Variants in MGST2 observed in about 807,000 individuals in gnomAD.
The protein encoded by MGST2 is microsomal glutathione S-transferase 2.
MGST2 carries 9 observed loss-of-function variants against 16.6 expected under a neutral mutation model. That is an observed-to-expected ratio of 0.54 (90% CI 0.33 to 0.95). The LOEUF is 0.95. Among genes scored for constraint, MGST2 ranks in the 40% least tolerant of loss-of-function variants. The pLI is 0.03. For synonymous variants in MGST2, 79 were observed against 68.0 expected (o/e 1.16, Z -0.79); for missense variants, 159 against 175.1 (o/e 0.91, Z 0.52).
At chr4:139,666,158 G>A (rs1213766968) in intron 1 of MGST2, 81 bp downstream of exon 1, 16 of 1,423,638 alleles carry the variant, frequency 1.1e-5, no homozygotes, top group Non-Finnish European at 1.5e-5. Flanking sequence ...GAGAGAGAGG[G>A]AGGGAGGGAG....
chr4:139,730,739 T>C, intron 5 of MGST2: 1 of 1,407,850 alleles, frequency 7.1e-7, no homozygotes, highest in Non-Finnish European at 9.8e-7. Context: ...GGGAAGCCCC[T>C]GGAAAAAGGG....
intron 1 of MGST2, 81 bp from the exon 2 acceptor site, chr4:139,678,462 C>T: frequency 1.0e-6 from 1 of 988,876 alleles, no homozygotes. Flanking sequence ...GTAGTACTAT[C>T]TAATTGTGAT....
downstream of MGST2, among the ~76,000 whole-genome samples, chr4:139,744,527 TGA>T (rs1178679580): frequency 6.6e-6 from 1 of 152,244 alleles, no homozygotes; most frequent in African/African-American, 2.4e-5. Context: ...CCCTGAAGTC[TGA>T]GCACTAGAAC....
chr4:139,686,309 G>A (rs899104594), intron 2 of MGST2, among the ~76,000 whole-genome samples: 1 of 152,210 alleles, frequency 6.6e-6, no homozygotes, highest in Non-Finnish European at 1.5e-5. Context: ...GTTCTTGTTT[G>A]CAGAGGAAGC....
intron 2 of MGST2, among the ~76,000 whole-genome samples, chr4:139,683,755 C>A (rs1731391461): frequency 6.6e-6 from 1 of 151,880 alleles, no homozygotes. Flanking sequence ...CGAGACTGAG[C>A]AATTTACAAA....
At chr4:139,719,776 G>T in intron 5 of MGST2, 1 of 1,613,656 alleles carries the variant, frequency 6.2e-7, no homozygotes. Flanking sequence ...CTTGAAGAGG[G>T]TAGCTGGCGC....
intron 3 of MGST2, among the ~76,000 whole-genome samples, chr4:139,702,867 T>TTTTTTTTTTC (rs767366469): frequency 7.5e-6 from 1 of 132,454 alleles, no homozygotes; most frequent in South Asian, 2.5e-4. Flanking sequence ...TTTTTTTTTT[T>TTTTTTTTTTC]TTTACAATTT....
intron 5 of MGST2, among the ~76,000 whole-genome samples, chr4:139,722,659 T>C (rs6816496): frequency 0.13 from 19,736 of 152,196 alleles, 1,404 homozygotes; most frequent in Middle Eastern, 0.17. Flanking sequence ...AAAATAAGTA[T>C]TTCCCCATAG....
At chr4:139,730,243 C>T (rs1728644656) in intron 5 of MGST2, 6 of 637,608 alleles carry the variant, frequency 9.4e-6, no homozygotes, top group South Asian at 3.9e-5. Flanking sequence ...ATAGGAAAAA[C>T]CCTAACTAAT....
At chr4:139,704,417 C>T (rs1022354528), downstream of MGST2, among the ~76,000 whole-genome samples, 3 of 152,034 alleles carry the variant, frequency 2.0e-5, no homozygotes, top group Non-Finnish European at 4.4e-5. Flanking sequence ...AGCAGCCTGA[C>T]CCGTGTGCTG....
intron 1 of MGST2, among the ~76,000 whole-genome samples, chr4:139,666,691 C>G (rs1286534348): frequency 6.6e-6 from 1 of 152,150 alleles, no homozygotes; most frequent in African/African-American, 2.4e-5. Flanking sequence ...ATGGGAGTCA[C>G]ATTTGCTCAA....
chr4:139,747,755 A>T, the MGST2 span, among the ~76,000 whole-genome samples: 1 of 151,996 alleles, frequency 6.6e-6, no homozygotes, highest in Non-Finnish European at 1.5e-5. Flanking sequence ...ACTAAGAGTA[A>T]TAAGAATGCA....
intron 2 of MGST2, among the ~76,000 whole-genome samples, chr4:139,691,858 C>A (rs1726621149): frequency 6.6e-6 from 1 of 152,074 alleles, no homozygotes; most frequent in Admixed American, 6.5e-5. Flanking sequence ...GCCACCACGC[C>A]CGGCTAATTT....
At chr4:139,694,871 G>A (rs903210189) in intron 2 of MGST2, among the ~76,000 whole-genome samples, 1 of 152,228 alleles carries the variant, frequency 6.6e-6, no homozygotes, top group African/African-American at 2.4e-5. Flanking sequence ...GAAATCTCTT[G>A]AATATGAATT....
chr4:139,702,371 CT>C (rs1455036967), intron 3 of MGST2, among the ~76,000 whole-genome samples: 1 of 152,058 alleles, frequency 6.6e-6, no homozygotes, highest in African/African-American at 2.4e-5. Flanking sequence ...GCAAGCACTT[CT>C]GATTGTTTTC....
downstream of MGST2, among the ~76,000 whole-genome samples, chr4:139,705,907 A>T (rs1727502428): frequency 6.6e-6 from 1 of 152,184 alleles, no homozygotes; most frequent in South Asian, 2.1e-4. Flanking sequence ...CATCTGTAAA[A>T]TGAGAACGAT....
At chr4:139,692,648 G>A (rs1434116122) in intron 2 of MGST2, among the ~76,000 whole-genome samples, 9 of 152,226 alleles carry the variant, frequency 5.9e-5, no homozygotes. Flanking sequence ...ATCTGTTCTG[G>A]TCTCTGGTTT....
At chr4:139,749,191 A>G in the MGST2 span, among the ~76,000 whole-genome samples, 1 of 152,180 alleles carries the variant, frequency 6.6e-6, no homozygotes, top group African/African-American at 2.4e-5. Flanking sequence ...GATATGATAT[A>G]CCCCAATTAT....
chr4:139,743,313 A>C (rs1488002255), downstream of MGST2, among the ~76,000 whole-genome samples: 1 of 152,250 alleles, frequency 6.6e-6, no homozygotes, highest in Non-Finnish European at 1.5e-5. Context: ...CCTGCTGTTC[A>C]GGAGACTTCT....
Sources: gnomAD v4.1 joint callset for allele counts (sites outside exome capture counted in the v4.1 genomes callset) on GRCh38, gnomAD v4.1.1 for gene constraint, MANE v1.5 for transcripts, NCBI Gene and HGNC (gene_info 2026-07-23, HGNC 2026-07-21) for gene names.